The following CCL17 variants were observed in gnomAD, a reference collection of about 807,000 sequenced individuals.
The protein encoded by CCL17 is C-C motif chemokine ligand 17.
A neutral mutation model predicts 7.4 loss-of-function variants in CCL17; 8 were observed. That is an observed-to-expected ratio of 1.09 (90% CI 0.64 to 1.96). The LOEUF (loss-of-function observed/expected upper bound fraction) is 1.96, where lower values mean the gene tolerates loss of function less well. CCL17 is among the 30% of genes most tolerant of loss of function. CCL17 has a pLI of 0.00. For missense variants in CCL17, 102 were observed against 113.0 expected (o/e 0.90, Z 0.44); for synonymous variants, 40 against 46.1 (o/e 0.87, Z 0.54).
At chr16:57,404,694 G>A (rs1000668281), upstream of CCL17, 1 of 153,990 alleles carries the variant, frequency 6.5e-6, no homozygotes, top group African/African-American at 2.4e-5. Flanking sequence ...AAGCAGTAAG[G>A]CAGTTGATGC....
intron 2 of CCL17, among the ~76,000 whole-genome samples, chr16:57,414,624 T>A (rs1417571858): frequency 2.0e-5 from 3 of 152,066 alleles, no homozygotes; most frequent in Non-Finnish European, 4.4e-5. Context: ...CTCGAACTCC[T>A]GACCTCAGGC....
At chr16:57,409,889 C>G (rs751129680) in intron 1 of CCL17, among the ~76,000 whole-genome samples, 3 of 152,170 alleles carry the variant, frequency 2.0e-5, no homozygotes, top group African/African-American at 7.2e-5. Flanking sequence ...TGATTCCCAG[C>G]CCCCTGGGCA....
intron 1 of CCL17, among the ~76,000 whole-genome samples, chr16:57,411,692 G>A (rs1259295915): frequency 6.6e-6 from 1 of 152,244 alleles, no homozygotes; most frequent in African/African-American, 2.4e-5. Context: ...CAGCTAGGGA[G>A]GGAGGGGTGG....
chr16:57,410,859 A>G (rs62037110), intron 1 of CCL17, among the ~76,000 whole-genome samples: 7,611 of 152,218 alleles, frequency 0.05, 258 homozygotes, highest in African/African-American at 0.091. Flanking sequence ...GTGACACTGA[A>G]GGTTCACTGC....
chr16:57,415,017 A>G lies in CCL17; in HGVS notation c.71-64A>G. On this transcript the variant is annotated intron_variant, in intron 2 of 3. Coordinates refer to ENST00000219244, the MANE Select transcript of CCL17 (RefSeq NM_002987.3). The surrounding 1 kb of genome is among the most constrained non-coding windows in gnomAD (Gnocchi z 4.5). Reference sequence around the variant, plus strand: ...TGCAGATCTTCCACGAACACCCCCCAGAGGTCCCCGCAACACACACGCAGA... The same window carrying G: ...TGCAGATCTTCCACGAACACCCCCCGGAGGTCCCCGCAACACACACGCAGA... The G allele has an allele frequency of 4.7e-6, 5 of 1,053,718 alleles. No individual in the cohort carries two copies. Among genetic ancestry groups the G allele is most frequent in the Non-Finnish European group, 7.5e-6 (5 of 670,796 alleles). 65.3% of individuals were successfully genotyped at this position (1,053,718 alleles called of 1,614,324 possible). A position where few individuals can be genotyped will look rare whatever the true frequency, so the allele number is the denominator to read the frequency against.
At chr16:57,396,229 G>T in the CCL17 span, among the ~76,000 whole-genome samples, 1 of 152,158 alleles carries the variant, frequency 6.6e-6, no homozygotes, top group South Asian at 2.1e-4. Flanking sequence ...ATTTCCTGGG[G>T]CAATGTCAAT....
Position 57,406,302 on chromosome 16 carries a change from TA to T in CCL17, c.-60+1467del, listed in dbSNP as rs1902695153. Among the ~76,000 whole-genome samples the T allele has an allele frequency of 2.6e-5, 4 of 152,300 alleles. No individual in the cohort carries two copies. The South Asian group carries it at 8.3e-4, about 32-fold the overall frequency. ...CACCATGATTGGCTAATTTTCATTT[TA>T]TTTTTTTTGTAGAGACAGAGTCTCA... On this transcript the variant is annotated intron_variant, in intron 1 of 3. Coordinates refer to ENST00000219244, the MANE Select transcript of CCL17 (RefSeq NM_002987.3).
upstream of CCL17, among the ~76,000 whole-genome samples, chr16:57,403,105 CAT>C (rs1160449600): frequency 4.6e-5 from 5 of 108,948 alleles, no homozygotes; most frequent in East Asian, 2.3e-4. Context: ...TAAACAAATA[CAT>C]ATATATATTT....
At chr16:57,404,874 C>G (rs1239761500) in intron 1 of CCL17, 38 bp downstream of exon 1, 1 of 154,382 alleles carries the variant, frequency 6.5e-6, no homozygotes. Flanking sequence ...AACCCCTCCA[C>G]TGTGAGGTGA....
chr16:57,411,616 C>T (rs1042443164), intron 1 of CCL17, among the ~76,000 whole-genome samples: 4 of 152,220 alleles, frequency 2.6e-5, no homozygotes, highest in Admixed American at 2.6e-4. Flanking sequence ...CAATTGGTGG[C>T]CTCTGCGGCA....
the CCL17 span, among the ~76,000 whole-genome samples, chr16:57,398,291 A>G: frequency 1.3e-5 from 2 of 152,178 alleles, no homozygotes; most frequent in Non-Finnish European, 1.5e-5. Flanking sequence ...TACTACATCA[A>G]TTTCCTTACT....
Position 57,415,688 on chromosome 16 carries a change from C to A in CCL17, c.189-77C>A. On this transcript the variant is annotated intron_variant, in intron 3 of 3. Coordinates refer to ENST00000219244, the MANE Select transcript of CCL17 (RefSeq NM_002987.3). This position sits in a 1 kb window ranked among gnomAD's most constrained non-coding sequence, Gnocchi z 4.5. ...CTTGGAGCCTTGGAATCCTGGTCAG[C>A]ACAGGGCGGGCCGTCCCAGGGACTC... 3 of 909,476 alleles carry A rather than the reference C, an allele frequency of 3.3e-6. No homozygotes were observed. The highest frequency in any genetic ancestry group is 5.5e-6 in the Non-Finnish European group (3 of 545,114). 56.3% of individuals were successfully genotyped at this position (909,476 alleles called of 1,614,324 possible).
intron 1 of CCL17, among the ~76,000 whole-genome samples, chr16:57,408,063 T>G (rs1902724786): frequency 6.7e-6 from 1 of 150,204 alleles, no homozygotes; most frequent in Non-Finnish European, 1.5e-5. Context: ...CATCCACACA[T>G]CCATCTACCA....
chr16:57,407,032 C>A (rs1222590957), intron 1 of CCL17, among the ~76,000 whole-genome samples: 21 of 151,990 alleles, frequency 1.4e-4, no homozygotes, highest in Non-Finnish European at 2.9e-5. Flanking sequence ...CACAAGTGGG[C>A]AGAGAGGAAA....
chr16:57,400,659 G>A (rs4783985), upstream of CCL17, among the ~76,000 whole-genome samples: 1,257 of 152,238 alleles, frequency 8.3e-3, 35 homozygotes, highest in East Asian at 0.079. Flanking sequence ...GGAATGCAAA[G>A]GCACAGAGAG....
rs1275659458 is a variant in CCL17, at chr16:57,413,877, G to A, written c.-56G>A. 1 of 1,501,350 alleles carries A rather than the reference G, an allele frequency of 6.7e-7. No homozygotes were observed. The highest frequency in any genetic ancestry group is 9.1e-7 in the Non-Finnish European group (1 of 1,100,606). 93.0% of individuals were successfully genotyped at this position (1,501,350 alleles called of 1,614,324 possible). A position where few individuals can be genotyped will look rare whatever the true frequency, so the allele number is the denominator to read the frequency against. On this transcript the variant is annotated 5_prime_UTR_variant, in exon 2 of 4. Transcript: ENST00000219244. The stretch of plus-strand genomic sequence containing the variant: ...TGCCACCCTCGACTCTCAGCAGGGT[G>A]TCTCCCTGAGCAGAGGGACCTGCAC...
rs1598014716 is a variant in CCL17 at position 57,415,054 on chromosome 16, A to C, written c.71-27A>C. The C allele has an allele frequency of 6.7e-7, 1 of 1,494,408 alleles. No individual in the cohort carries two copies. The allele number at this position is 1,494,408 out of a possible 1,614,324, so 92.6% of individuals were successfully genotyped here. A position where few individuals can be genotyped will look rare whatever the true frequency, so the allele number is the denominator to read the frequency against. ...AACACACACGCAGACACTCACAGAC[A>C]CCCCTGCCCCGCTCCTCTCCCTGCA... On this transcript the variant is annotated intron_variant, in intron 2 of 3. Coordinates refer to ENST00000219244, the MANE Select transcript of CCL17 (RefSeq NM_002987.3). The surrounding 1 kb of genome is among the most constrained non-coding windows in gnomAD (Gnocchi z 4.5).
In CCL17 at chr16:57,414,978, C is replaced by T. The variant is rs1415242485; in HGVS notation, c.71-103C>T. ...TGCAGTCATCACACACAGATGCACA[C>T]ATGGACACGCACATGCAGATCTTCC... On this transcript the variant is annotated intron_variant, in intron 2 of 3. Transcript: ENST00000219244. 1.8e-5 allele frequency: 14 copies of T among 757,162 alleles called. No individual in the cohort carries two copies. The Admixed American group carries it at 2.4e-4, about 13-fold the overall frequency. 46.9% of individuals were successfully genotyped at this position (757,162 alleles called of 1,614,324 possible). A position where few individuals can be genotyped will look rare whatever the true frequency, so the allele number is the denominator to read the frequency against.
At chr16:57,403,612 ATATT>A (rs1445758338), upstream of CCL17, among the ~76,000 whole-genome samples, 11 of 74,472 alleles carry the variant, frequency 1.5e-4, no homozygotes, top group African/African-American at 5.8e-4. Flanking sequence ...TATATAATAT[ATATT>A]TATAATATAT....
Sources: gnomAD v4.1 joint callset for allele counts (sites outside exome capture counted in the v4.1 genomes callset) on GRCh38, gnomAD v4.1.1 for gene constraint, Gnocchi (gnomAD v3.1) non-coding constraint, MANE v1.5 for transcripts, NCBI Gene and HGNC (gene_info 2026-07-23, HGNC 2026-07-21) for gene names.